The following CELSR1 variants were observed in gnomAD, a reference collection of about 807,000 sequenced individuals.
CELSR1 encodes adhesion G protein-coupled receptor C1.
Under a neutral mutation model 249.1 loss-of-function variants are expected in CELSR1, and 110 were observed. The observed-to-expected ratio is 0.44, with a 90% CI of 0.38 to 0.52. The LOEUF is 0.52. Ranked by LOEUF, CELSR1 falls within the 20% of genes least tolerant of loss-of-function variation. CELSR1 has a pLI of 0.00. For synonymous variants in CELSR1, 2,113 were observed against 1,900.0 expected (o/e 1.11, Z -2.92); for missense variants, 4,109 against 4,296.4 (o/e 0.96, Z 1.22).
At position 46,535,494 on chromosome 22, in the gene CELSR1, G is replaced by A. The variant is rs1401293237; in HGVS notation, c.1677C>T (p.Asn559=). The stretch of plus-strand genomic sequence containing the variant: ...TGCTCACAAAGATAGGCTCGTTGTC[G>A]TTGACATCCAGCACCTGCACAGACA... ...GVVSVQVLDV[N]DNEPIFVSSP... Residue 559 remains asparagine, a synonymous_variant, in exon 1 of 35, where the codon AAC becomes AAT. Transcript: ENST00000674500. 7 of 1,612,410 alleles carry A rather than the reference G, an allele frequency of 4.3e-6. No individual in the cohort carries two copies. The highest frequency in any genetic ancestry group is 2.2e-5 in the East Asian group (1 of 44,880).
chr22:46,367,378 G>T (rs2078797500), intron 28 of CELSR1, among the ~76,000 whole-genome samples: 1 of 152,240 alleles, frequency 6.6e-6, no homozygotes, highest in African/African-American at 2.4e-5. Flanking sequence ...CAGTCTTCTG[G>T]GCACTCCTTC....
intron 1 of CELSR1, among the ~76,000 whole-genome samples, chr22:46,524,366 T>C (rs2080716293): frequency 6.6e-6 from 1 of 152,322 alleles, no homozygotes; most frequent in Non-Finnish European, 1.5e-5. Context: ...CTGCCCCCTG[T>C]GCTTGGGACA....
At position 46,399,585 on chromosome 22, in the gene CELSR1, G is replaced by A. The variant is rs896376255; in HGVS notation, c.5412+132C>T. ...TACAGGGCAGAACAGAAGCCCACCT[G>A]CGGGGACCCAGAAAGTGCCTCCCCA... is the stretch of plus-strand genomic sequence containing the variant. On this transcript the variant is annotated intron_variant, in intron 10 of 34. Transcript: ENST00000674500. This position sits in a 1 kb window ranked among gnomAD's most constrained non-coding sequence, Gnocchi z 5.0. 1 of 837,962 alleles carries A rather than the reference G, an allele frequency of 1.2e-6. No individual in the cohort carries two copies. The highest frequency in any genetic ancestry group is 1.9e-6 in the Non-Finnish European group (1 of 526,208). 51.9% of individuals were successfully genotyped at this position (837,962 alleles called of 1,614,324 possible).
chr22:46,448,087 T>G lies in CELSR1; in HGVS notation c.4184-8676A>C, dbSNP rs1252460691. Among the ~76,000 whole-genome samples the G allele has an allele frequency of 6.6e-6, 1 of 152,170 alleles. No homozygotes were observed. The highest frequency in any genetic ancestry group is 2.4e-5 in the African/African-American group (1 of 41,440). On this transcript the variant is annotated intron_variant, in intron 2 of 34. Transcript: ENST00000674500. This position sits in a 1 kb window ranked among gnomAD's most constrained non-coding sequence, Gnocchi z 5.7. ...ACCCTAGCACCAAAGCCATCAACCC[T>G]TGGCCTAAGGGGCTTCCAGAAAAGC... is the stretch of plus-strand genomic sequence containing the variant.
chr22:46,366,195 A>AAGGGAAGGTGCGAGGCGGGG (rs1555903597), intron 30 of CELSR1, among the ~76,000 whole-genome samples, 191 bp downstream of exon 30: 35 of 2,998 alleles, frequency 0.012, 2 homozygotes, highest in Non-Finnish European at 0.013. Context: ...GGTGCAGGGG[A>AAGGGAAGGTGCGAGGCGGGG]AGGGAAGGTG....
In CELSR1 at chr22:46,527,885, C is replaced by T. The variant is rs536488073; in HGVS notation, c.3544+5742G>A. ...CTGAGGCGGGCGGATAGCCTGAGGT[C>T]AGGAGTTGGAGACCAGCCTGGCCAG... On this transcript the variant is annotated intron_variant, in intron 1 of 34. Coordinates refer to ENST00000674500, the MANE Select transcript of CELSR1 (RefSeq NM_001378328.1). The surrounding 1 kb of genome is among the most constrained non-coding windows in gnomAD (Gnocchi z 5.5). Among the ~76,000 whole-genome samples, 16 of 152,100 alleles carry T rather than the reference C, an allele frequency of 1.1e-4. No homozygotes were observed. The highest frequency in any genetic ancestry group is 9.8e-4 in the Admixed American group (15 of 15,254).
chr22:46,484,443 G>A lies in CELSR1; in HGVS notation c.3545-20098C>T, dbSNP rs1275886652. Among the ~76,000 whole-genome samples, 2 of 152,050 alleles carry A rather than the reference G, an allele frequency of 1.3e-5. No individual in the cohort carries two copies. Among genetic ancestry groups the A allele is most frequent in the Non-Finnish European group, 2.9e-5 (2 of 68,002 alleles). ...TAGGCCTGAAATGTGTCCCCACTCA[G>A]GGGCCCTGAAATCCCTTCCAGAATA... On this transcript the variant is annotated intron_variant, in intron 1 of 34. Transcript: ENST00000674500. The surrounding 1 kb of genome is among the most constrained non-coding windows in gnomAD (Gnocchi z 4.5).
intron 5 of CELSR1, among the ~76,000 whole-genome samples, chr22:46,421,374 C>G (rs1216278200): frequency 6.6e-6 from 1 of 152,182 alleles, no homozygotes; most frequent in African/African-American, 2.4e-5. Flanking sequence ...AGGAAGCAAC[C>G]TCAGCCGGGC....
rs140214283 is a variant in CELSR1, at chr22:46,514,088, C to T, written c.3544+19539G>A. 9.5e-3 allele frequency among the ~76,000 whole-genome samples: 1,448 copies of T among 152,180 alleles called. 9 individuals are homozygous for T. The highest frequency in any genetic ancestry group is 0.013 in the Non-Finnish European group (871 of 68,012). On this transcript the variant is annotated intron_variant, in intron 1 of 34. Coordinates refer to ENST00000674500, the MANE Select transcript of CELSR1 (RefSeq NM_001378328.1). Reference sequence around the variant, plus strand: ...TATTACAGGCACGAGCCACCGCACCCGGCCCTCATTTGTAATTTTTCACAG... The same window carrying T: ...TATTACAGGCACGAGCCACCGCACCTGGCCCTCATTTGTAATTTTTCACAG...
intron 1 of CELSR1, among the ~76,000 whole-genome samples, chr22:46,469,703 G>A (rs919619710): frequency 1.3e-5 from 2 of 151,216 alleles, no homozygotes; most frequent in African/African-American, 4.9e-5. Context: ...TTTAGTAGAC[G>A]AGGTTTCACC....
chr22:46,529,745 G>A (rs957203876), intron 1 of CELSR1, among the ~76,000 whole-genome samples: 1 of 151,910 alleles, frequency 6.6e-6, no homozygotes. Flanking sequence ...AGAGGTTGCA[G>A]TGAGCCGAGA....
intron 1 of CELSR1, among the ~76,000 whole-genome samples, chr22:46,528,949 A>G (rs1359218760): frequency 6.7e-6 from 1 of 149,250 alleles, no homozygotes; most frequent in East Asian, 2.0e-4. Flanking sequence ...AAAATAAAAT[A>G]AAATAAAATA....
chr22:46,385,870 G>C (rs1241812829), intron 19 of CELSR1, among the ~76,000 whole-genome samples: 2 of 151,620 alleles, frequency 1.3e-5, no homozygotes, highest in Non-Finnish European at 1.5e-5. Flanking sequence ...GTAGAGACGG[G>C]GTTTCACCAT....
At position 46,536,800 on chromosome 22, in the gene CELSR1, C is replaced by A; in HGVS notation, c.371G>T (p.Gly124Val). ...GCAGAGCGCCCCGCAGAGCCGGGCA[C>A]CGGTTCCGCAGAGCCGGGCACGGGC... is the stretch of plus-strand genomic sequence containing the variant. ...CGARARLCGT[G>V]ARLCGALCFP... The change falls in exon 1 of 35, where the codon GGT becomes GTT. Residue 124 changes from glycine to valine, a missense_variant. Physicochemically the swap from Gly to Val is moderately radical, Grantham distance 109. Transcript: ENST00000674500. 1 of 1,195,098 alleles carries A rather than the reference C, an allele frequency of 8.4e-7. No homozygotes were observed. The allele number at this position is 1,195,098 out of a possible 1,614,324, so 74.0% of individuals were successfully genotyped here. A position where few individuals can be genotyped will look rare whatever the true frequency, so the allele number is the denominator to read the frequency against.
In CELSR1 at chr22:46,434,492, C is replaced by T. The variant is rs1180668540; in HGVS notation, c.4523-1011G>A. Among the ~76,000 whole-genome samples, 1 of 152,236 alleles carries T rather than the reference C, an allele frequency of 6.6e-6. No individual in the cohort carries two copies. The highest frequency in any genetic ancestry group is 6.5e-5 in the Admixed American group (1 of 15,292). ...AATAGCCTAATCCCACCTCACAGAG[C>T]CCGGAGGGCTATGGCCACCTCTCCC... On this transcript the variant is annotated intron_variant, in intron 4 of 34. Transcript: ENST00000674500. This position sits in a 1 kb window ranked among gnomAD's most constrained non-coding sequence, Gnocchi z 4.9.
intron 27 of CELSR1, among the ~76,000 whole-genome samples, chr22:46,368,825 C>G (rs2147173337): frequency 6.6e-6 from 1 of 152,216 alleles, no homozygotes; most frequent in South Asian, 2.1e-4. Context: ...CTCAGCAACA[C>G]CCTCACCACC....
In CELSR1 at chr22:46,408,507, G is replaced by A. The variant is rs374397902; in HGVS notation, c.5226+489C>T. On this transcript the variant is annotated intron_variant, in intron 9 of 34. Transcript: ENST00000674500. This position sits in a 1 kb window ranked among gnomAD's most constrained non-coding sequence, Gnocchi z 4.6. ...CTACCAAGCCTGGCTAATTTTTTTTGTATTTTTAGTAGAGATGGGGTTTCA... is the reference window on the plus strand; with the variant it reads ...CTACCAAGCCTGGCTAATTTTTTTTATATTTTTAGTAGAGATGGGGTTTCA... 3.3e-5 allele frequency among the ~76,000 whole-genome samples: 5 copies of A among 152,250 alleles called. No homozygotes were observed. Among genetic ancestry groups the A allele is most frequent in the East Asian group, 1.9e-4 (1 of 5,180 alleles).
At chr22:46,491,599 C>T (rs1477272880) in intron 1 of CELSR1, among the ~76,000 whole-genome samples, 1 of 149,634 alleles carries the variant, frequency 6.7e-6, no homozygotes, top group Non-Finnish European at 1.5e-5. Context: ...TTCTTGTGAA[C>T]TAGCAGAAAG....
intron 14 of CELSR1, among the ~76,000 whole-genome samples, chr22:46,392,874 G>GA (rs2079108167): frequency 6.6e-6 from 1 of 152,056 alleles, no homozygotes; most frequent in Admixed American, 6.6e-5. Context: ...CTTTGGATGA[G>GA]AAAAAAATCG....
Sources: allele counts gnomAD v4.1 joint callset (sites outside exome capture counted in the v4.1 genomes callset), GRCh38; gene constraint gnomAD v4.1.1; non-coding constraint Gnocchi (gnomAD v3.1); transcripts MANE v1.5; gene names NCBI Gene and HGNC (gene_info 2026-07-23, HGNC 2026-07-21).